The following RYR1 variants were observed in gnomAD, a reference collection of about 807,000 sequenced individuals.
The protein encoded by RYR1 is ryanodine receptor 1.
RYR1 carries 342 observed loss-of-function variants against 583.5 expected under a neutral mutation model. The observed-to-expected ratio is 0.59, with a 90% CI of 0.54 to 0.64. The LOEUF (loss-of-function observed/expected upper bound fraction) is 0.64. RYR1 is among the 30% of genes least tolerant of loss of function. The probability of loss-of-function intolerance (pLI) is 0.00; values close to 1 mark genes in which losing one functional copy is unlikely to be tolerated. For synonymous variants in RYR1, 2,791 were observed against 2,822.5 expected (o/e 0.99, Z 0.35); for missense variants, 6,032 against 6,917.2 (o/e 0.87, Z 4.54).
chr19:38,502,476 G>T, intron 47 of RYR1, 31 bp from the exon 48 acceptor site: 1 of 1,583,930 alleles, frequency 6.3e-7, no homozygotes, highest in South Asian at 1.1e-5. Context: ...GGGGTGTGCA[G>T]CGGGCCTGAT....
chr19:38,448,880 C>T, intron 11 of RYR1, 67 bp downstream of exon 11: 2 of 1,433,510 alleles, frequency 1.4e-6, no homozygotes, highest in Non-Finnish European at 1.9e-6. Flanking sequence ...GAGGTCAAGG[C>T]TGCAGTGAGC....
At chr19:38,477,524 C>T (rs1036840682) in intron 29 of RYR1, among the ~76,000 whole-genome samples, 186 bp from the exon 30 acceptor site, 2 of 152,110 alleles carry the variant, frequency 1.3e-5, no homozygotes, top group African/African-American at 4.8e-5. Context: ...CAAGGGACTC[C>T]TAAATCTAGA....
At chr19:38,544,513 C>G (rs755432451) in intron 87 of RYR1, among the ~76,000 whole-genome samples, 1 of 152,208 alleles carries the variant, frequency 6.6e-6, no homozygotes, top group Non-Finnish European at 1.5e-5. Flanking sequence ...GCATTCACAT[C>G]CTACACATAA....
At position 38,499,343 on chromosome 19, in the gene RYR1, C is replaced by A. The variant is rs1969990652; in HGVS notation, c.7027+100C>A. On this transcript the variant is annotated intron_variant, in intron 43 of 105. Transcript: ENST00000359596. The surrounding 1 kb of genome is among the most constrained non-coding windows in gnomAD (Gnocchi z 7.3). Reference sequence around the variant, plus strand: ...CGCACCCTGAGCCACAGATGGGGTCCAGGCAGGAATCCCTTCCAGCAGGCC... The same window carrying A: ...CGCACCCTGAGCCACAGATGGGGTCAAGGCAGGAATCCCTTCCAGCAGGCC... 2.5e-6 allele frequency: 4 copies of A among 1,578,486 alleles called. No homozygotes were observed. Among genetic ancestry groups the A allele is most frequent in the African/African-American group, 2.7e-5 (2 of 74,422 alleles).
rs1159750263 is a variant in RYR1, at chr19:38,502,605, C to G, written c.7713C>G (p.Gly2571=). 6.2e-7 allele frequency: 1 copy of G among 1,612,988 alleles called. No individual in the cohort carries two copies. The highest frequency in any genetic ancestry group is 8.5e-7 in the Non-Finnish European group (1 of 1,179,916). Reference sequence around the variant, plus strand: ...CCAAGTGTGCGCCGCTCTTTGCGGGCACAGAACACCGCGCCATCATGGTGG... The same window carrying G: ...CCAAGTGTGCGCCGCTCTTTGCGGGGACAGAACACCGCGCCATCATGGTGG... ...LITKCAPLFA[G]TEHRAIMVDS... is the part of the protein sequence containing the mutation. Residue 2571 remains glycine (G), a synonymous_variant, in exon 48 of 106, where the codon GGC becomes GGG. Transcript: ENST00000359596.
rs776013112 is a variant in RYR1 at position 38,525,375 on chromosome 19, G to A, written c.10499G>A (p.Gly3500Glu). The change falls in exon 71 of 106, where the codon GGG becomes GAG. Residue 3500 changes from glycine to glutamate, a missense_variant. By Grantham distance (98) the Gly-to-Glu change is moderately conservative (BLOSUM62 -2). This residue lies in a region of RYR1 where 1,493 missense variants were observed against 1,715.5 expected (regional missense o/e 0.87). Transcript: ENST00000359596. Reference protein sequence around the residue: ...DQERTKKKRRGDRYSVQTSLI... With the variant: ...DQERTKKKRREDRYSVQTSLI... ...GAACGCACCAAGAAGAAGCGCCGGG[G>A]GGACCGGTACTCTGTGCAGACGTCA... is the stretch of plus-strand genomic sequence containing the variant. 2 of 1,614,006 alleles carry A rather than the reference G, an allele frequency of 1.2e-6. No homozygotes were observed. Among genetic ancestry groups the A allele is most frequent in the South Asian group, 2.2e-5 (2 of 91,080 alleles).
chr19:38,536,430 G>A (rs1008354024), intron 82 of RYR1, among the ~76,000 whole-genome samples: 46 of 151,292 alleles, frequency 3.0e-4, no homozygotes, highest in Non-Finnish European at 5.0e-4. Flanking sequence ...CCTCTTTGCC[G>A]TGTTGTGACG....
intron 29 of RYR1, among the ~76,000 whole-genome samples, chr19:38,476,433 G>A (rs963854557): frequency 2.6e-5 from 4 of 151,948 alleles, no homozygotes; most frequent in African/African-American, 7.3e-5. Flanking sequence ...TCCTGACCTC[G>A]TGGTCTACCC....
At chr19:38,490,864 G>C in intron 37 of RYR1, 132 bp downstream of exon 37, 1 of 712,602 alleles carries the variant, frequency 1.4e-6, no homozygotes, top group African/African-American at 1.7e-5. Flanking sequence ...ATGAATGAAT[G>C]AGTGAGTGAA....
intron 97 of RYR1, among the ~76,000 whole-genome samples, chr19:38,576,626 A>G (rs879739487): frequency 2.6e-5 from 4 of 152,096 alleles, no homozygotes; most frequent in Non-Finnish European, 2.9e-5. Flanking sequence ...AGCCTGGACA[A>G]CATGGCAAAA....
chr19:38,580,801 T>C (rs991277461), intron 101 of RYR1, among the ~76,000 whole-genome samples: 1 of 152,062 alleles, frequency 6.6e-6, no homozygotes, highest in African/African-American at 2.4e-5. Context: ...GAGCTACGAA[T>C]GGGCCACTAC....
At position 38,502,888 on chromosome 19, in the gene RYR1, G is replaced by C; in HGVS notation, c.7844G>C (p.Arg2615Pro). ...DCLMSLCRYI[R>P]PSMLQHLLRR... ...TGTGCATTGTCCCGCAGGTACATCCGCCCGTCGATGCTGCAGCACCTGTTG... is the reference window on the plus strand; with the variant it reads ...TGTGCATTGTCCCGCAGGTACATCCCCCCGTCGATGCTGCAGCACCTGTTG... Residue 2615 changes from arginine to proline, a missense_variant, in exon 49 of 106, where the codon CGC becomes CCC. Around this residue, in one of 11 missense-constraint regions of RYR1, gnomAD observed 250 missense variants for 162.3 expected, o/e 1.54. Coordinates refer to ENST00000359596, the MANE Select transcript of RYR1 (RefSeq NM_000540.3). 4 of 1,610,876 alleles carry C rather than the reference G, an allele frequency of 2.5e-6. No homozygotes were observed. The highest frequency in any genetic ancestry group is 2.2e-5 in the South Asian group (2 of 91,050).
intron 67 of RYR1, 95 bp from the exon 68 acceptor site, chr19:38,522,933 C>T: frequency 1.0e-6 from 1 of 988,778 alleles, no homozygotes; most frequent in Non-Finnish European, 1.5e-6. Flanking sequence ...CTGGATGTCT[C>T]CTGGTCCCCA....
At chr19:38,502,786 C>CAGGGGCAGGGGG (rs1970223635) in intron 48 of RYR1, 59 bp downstream of exon 48, 13 of 637,334 alleles carry the variant, frequency 2.0e-5, no homozygotes, top group East Asian at 1.8e-4. Context: ...GGGGCAGGGG[C>CAGGGGCAGGGGG]AGGGGCAGGG....
Position 38,506,572 on chromosome 19 carries a change from G to A in RYR1, c.8692+26G>A, listed in dbSNP as rs1431752900. ...GTGAGGGCGCCCATGCCGCCCCCAC[G>A]CTACCCCCGTGGATTCACCGTGTGG... On this transcript the variant is annotated intron_variant, in intron 56 of 105. Transcript: ENST00000359596. 3.1e-6 allele frequency: 5 copies of A among 1,612,090 alleles called. No individual in the cohort carries two copies. The East Asian group carries it at 8.9e-5, about 29-fold the overall frequency.
chr19:38,453,127 G>T, intron 13 of RYR1, 113 bp downstream of exon 13: 2 of 1,123,262 alleles, frequency 1.8e-6, no homozygotes, highest in Non-Finnish European at 2.6e-6. Context: ...GGGAAGTAGG[G>T]TCTGAGAAGG....
In RYR1 at chr19:38,448,672, G is replaced by A. The variant is rs767233106; in HGVS notation, c.981G>A (p.Lys327=). The A allele has an allele frequency of 1.2e-6, 2 of 1,614,232 alleles. No homozygotes were observed. The highest frequency in any genetic ancestry group is 3.3e-5 in the Admixed American group (2 of 60,026). ...AGGAGAAGCTGGATGTGGCCCCCAAGCGGGATGTGGAGGGCATGGGCCCCC... is the reference window on the plus strand; with the variant it reads ...AGGAGAAGCTGGATGTGGCCCCCAAACGGGATGTGGAGGGCATGGGCCCCC... ...ISKEKLDVAP[K]RDVEGMGPPE... The change falls in exon 11 of 106, where the codon AAG becomes AAA. Residue 327 remains lysine (K), a synonymous_variant. Transcript: ENST00000359596.
intron 88 of RYR1, 84 bp from the exon 89 acceptor site, chr19:38,548,149 C>G: frequency 6.8e-7 from 1 of 1,479,600 alleles, no homozygotes; most frequent in Non-Finnish European, 9.3e-7. Context: ...AGCGTGGTGG[C>G]TCCTGGGCTG....
chr19:38,526,902 T>G, intron 71 of RYR1, 91 bp from the exon 72 acceptor site: 1 of 1,415,822 alleles, frequency 7.1e-7, no homozygotes, highest in Non-Finnish European at 1.0e-6. Context: ...CCTCTTCAGT[T>G]CCTGGGGTGC....
Sources: allele counts gnomAD v4.1 joint callset (sites outside exome capture counted in the v4.1 genomes callset), GRCh38; gene constraint gnomAD v4.1.1; regional missense constraint gnomAD v4.1.1; non-coding constraint Gnocchi (gnomAD v3.1); transcripts MANE v1.5; gene names NCBI Gene and HGNC (gene_info 2026-07-23, HGNC 2026-07-21).